Variants in ADAMTS2 observed in about 807,000 individuals in gnomAD.
The protein encoded by ADAMTS2 is A disintegrin and metalloproteinase with thrombospondin motifs 2.
In ADAMTS2, 50 loss-of-function variants were observed where a neutral mutation model predicts 123.0. The ratio of observed to expected loss-of-function variants is 0.41; its 90% CI spans 0.32 to 0.51. The LOEUF (loss-of-function observed/expected upper bound fraction) is 0.51. ADAMTS2 is among the 20% of genes least tolerant of loss of function. ADAMTS2 has a pLI of 0.35. For missense variants in ADAMTS2, 1,494 were observed against 1,705.2 expected (o/e 0.88, Z 2.18); for synonymous variants, 678 against 695.4 (o/e 0.98, Z 0.39).
chr5:179,275,118 G>C (rs1264930051), intron 2 of ADAMTS2, among the ~76,000 whole-genome samples: 1 of 152,112 alleles, frequency 6.6e-6, no homozygotes, highest in South Asian at 2.1e-4. Flanking sequence ...GAGATTGTAG[G>C]CAGCCCAGGG....
intron 9 of ADAMTS2, among the ~76,000 whole-genome samples, chr5:179,152,841 C>T (rs776622866): frequency 6.6e-6 from 1 of 152,192 alleles, no homozygotes; most frequent in Non-Finnish European, 1.5e-5. Context: ...GGAGGTGGCC[C>T]TCCTGCGTTG....
Position 179,112,132 on chromosome 5 carries a change from A to C in ADAMTS2, c.*1735T>G, listed in dbSNP as rs1320652591. On this transcript the variant is annotated 3_prime_UTR_variant, in exon 22 of 22. Transcript: ENST00000251582. Reference sequence around the variant, plus strand: ...CACATGTGCAGCCTCAGACAAACATACTTATTAGCACCTCAAAACTCAGTA... The same window carrying C: ...CACATGTGCAGCCTCAGACAAACATCCTTATTAGCACCTCAAAACTCAGTA... 1 of 152,244 alleles carries C rather than the reference A, an allele frequency of 6.6e-6. No homozygotes were observed. Among genetic ancestry groups the C allele is most frequent in the Non-Finnish European group, 1.5e-5 (1 of 68,060 alleles). The allele number at this position is 152,244 out of a possible 1,614,324, so 9.4% of individuals were successfully genotyped here. A position where few individuals can be genotyped will look rare whatever the true frequency, so the allele number is the denominator to read the frequency against.
intron 2 of ADAMTS2, among the ~76,000 whole-genome samples, chr5:179,323,809 G>A (rs1757245597): frequency 6.6e-6 from 1 of 152,200 alleles, no homozygotes; most frequent in Admixed American, 6.5e-5. Flanking sequence ...ATTATTTAAT[G>A]CATCAATTAA....
intron 3 of ADAMTS2, among the ~76,000 whole-genome samples, chr5:179,253,418 C>T (rs980653907): frequency 6.6e-6 from 1 of 152,066 alleles, no homozygotes; most frequent in Non-Finnish European, 1.5e-5. Flanking sequence ...CCAAGGTGGG[C>T]GGATCCCTTG....
intron 2 of ADAMTS2, among the ~76,000 whole-genome samples, chr5:179,277,319 A>AC (rs139978660): frequency 0.76 from 47,595 of 62,410 alleles, 17,473 homozygotes; most frequent in South Asian, 0.82. Context: ...CCAAAGGCTG[A>AC]CACCCCGAGA....
chr5:179,221,156 A>AGAT, intron 3 of ADAMTS2, among the ~76,000 whole-genome samples: 1 of 152,260 alleles, frequency 6.6e-6, no homozygotes, highest in East Asian at 1.9e-4. Flanking sequence ...AGAGTTCCTC[A>AGAT]GATGCCCAGG....
chr5:179,184,509 T>TCAA (rs1290290563), intron 4 of ADAMTS2, among the ~76,000 whole-genome samples: 3 of 91,416 alleles, frequency 3.3e-5, no homozygotes, highest in African/African-American at 1.4e-4. Flanking sequence ...AGACTCTGTC[T>TCAA]AAAAAAAAAA....
At chr5:179,255,122 AGATG>A (rs1766017099) in intron 3 of ADAMTS2, among the ~76,000 whole-genome samples, 1 of 152,128 alleles carries the variant, frequency 6.6e-6, no homozygotes, top group African/African-American at 2.4e-5. Flanking sequence ...ATGGATGGAT[AGATG>A]GATGGATGAA....
At chr5:179,277,099 G>A (rs1038411387) in intron 2 of ADAMTS2, among the ~76,000 whole-genome samples, 4 of 152,088 alleles carry the variant, frequency 2.6e-5, no homozygotes, top group African/African-American at 4.8e-5. Flanking sequence ...CCCTGCAGGC[G>A]ACTCCTCGGA....
At position 179,117,860 on chromosome 5, in the gene ADAMTS2, T is replaced by C. The variant is rs1762689751; in HGVS notation, c.3179-3536A>G. 6.6e-6 allele frequency among the ~76,000 whole-genome samples: 1 copy of C among 152,198 alleles called. No homozygotes were observed. The highest frequency in any genetic ancestry group is 1.5e-5 in the Non-Finnish European group (1 of 68,030). ...CCATGCATTTCTTATCTGTGGCTGCTTTCCCACTATAAAGGCAGAGCTGAG... is the reference window on the plus strand; with the variant it reads ...CCATGCATTTCTTATCTGTGGCTGCCTTCCCACTATAAAGGCAGAGCTGAG... On this transcript the variant is annotated intron_variant, in intron 21 of 21. Coordinates refer to ENST00000251582, the MANE Select transcript of ADAMTS2 (RefSeq NM_014244.5). This position sits in a 1 kb window ranked among gnomAD's most constrained non-coding sequence, Gnocchi z 4.2.
chr5:179,333,828 G>C (rs1216518310), intron 2 of ADAMTS2, among the ~76,000 whole-genome samples: 1 of 152,074 alleles, frequency 6.6e-6, no homozygotes, highest in African/African-American at 2.4e-5. Context: ...TCAAACACCT[G>C]ACCTCAAGTG....
Position 179,312,640 on chromosome 5 carries a change from G to C in ADAMTS2, c.534+31127C>G, listed in dbSNP as rs1385230790. 6.6e-6 allele frequency among the ~76,000 whole-genome samples: 1 copy of C among 152,196 alleles called. No individual in the cohort carries two copies. The highest frequency in any genetic ancestry group is 6.5e-5 in the Admixed American group (1 of 15,292). ...ATCAGAGGAAGGCAGAGCAAGATGA[G>C]CCAGGCAGAGGAGAAGGCCACGTAC... On this transcript the variant is annotated intron_variant, in intron 2 of 21. Coordinates refer to ENST00000251582, the MANE Select transcript of ADAMTS2 (RefSeq NM_014244.5). The surrounding 1 kb of genome is among the most constrained non-coding windows in gnomAD (Gnocchi z 4.2).
chr5:179,167,681 G>T lies in ADAMTS2; in HGVS notation c.976-8802C>A, dbSNP rs62396136. Among the ~76,000 whole-genome samples the T allele has an allele frequency of 6.5e-3, 993 of 152,310 alleles. 8 individuals carry two copies. The highest frequency in any genetic ancestry group is 0.034 in the East Asian group (177 of 5,156). On this transcript the variant is annotated intron_variant, in intron 5 of 21. Coordinates refer to ENST00000251582, the MANE Select transcript of ADAMTS2 (RefSeq NM_014244.5). The stretch of plus-strand genomic sequence containing the variant: ...AGGCTCACCAAGTCCACTGCAGGTG[G>T]CAGGTGAGGTCACCTGGGCAGCTCT...
chr5:179,143,663 G>A (rs59775353), intron 10 of ADAMTS2, among the ~76,000 whole-genome samples: 35,168 of 151,904 alleles, frequency 0.23, 4,187 homozygotes, highest in Non-Finnish European at 0.26. Flanking sequence ...GGGAGCTAGC[G>A]AGGTCCCTTT....
intron 3 of ADAMTS2, among the ~76,000 whole-genome samples, chr5:179,261,887 C>T (rs1766234039): frequency 6.6e-6 from 1 of 152,176 alleles, no homozygotes; most frequent in Non-Finnish European, 1.5e-5. Context: ...GTCCATGGGA[C>T]CCCAAACCTC....
intron 4 of ADAMTS2, among the ~76,000 whole-genome samples, chr5:179,196,576 G>A (rs1445727672): frequency 6.6e-6 from 1 of 152,228 alleles, no homozygotes; most frequent in Non-Finnish European, 1.5e-5. Flanking sequence ...CCTTTGAGCT[G>A]ATAAGGCTAG....
intron 3 of ADAMTS2, among the ~76,000 whole-genome samples, chr5:179,219,230 G>A (rs930703283): frequency 3.9e-5 from 6 of 152,174 alleles, no homozygotes; most frequent in East Asian, 1.9e-4. Context: ...CAGCAGAGGC[G>A]AGAGATGAGG....
At chr5:179,127,748 C>A (rs1475098256) in intron 17 of ADAMTS2, among the ~76,000 whole-genome samples, 1 of 152,116 alleles carries the variant, frequency 6.6e-6, no homozygotes, top group Non-Finnish European at 1.5e-5. Context: ...CCCCACACAC[C>A]CTTTGGCCAC....
Position 179,188,167 on chromosome 5 carries a change from C to T in ADAMTS2, c.892-7012G>A, listed in dbSNP as rs562400327. Among the ~76,000 whole-genome samples, 34 of 152,306 alleles carry T rather than the reference C, an allele frequency of 2.2e-4. No individual in the cohort carries two copies. Among genetic ancestry groups the T allele is most frequent in the African/African-American group, 8.2e-4 (34 of 41,572 alleles). ...CCTTCAGGAAAGTTCCCATGTCCTT[C>T]GCTCAGCTGAGCTTTGGGCCACCAG... On this transcript the variant is annotated intron_variant, in intron 4 of 21. Transcript: ENST00000251582. This position sits in a 1 kb window ranked among gnomAD's most constrained non-coding sequence, Gnocchi z 5.1.
Sources: gnomAD v4.1 joint callset for allele counts (sites outside exome capture counted in the v4.1 genomes callset) on GRCh38, gnomAD v4.1.1 for gene constraint, Gnocchi (gnomAD v3.1) non-coding constraint, MANE v1.5 for transcripts, NCBI Gene and HGNC (gene_info 2026-07-23, HGNC 2026-07-21) for gene names.